PSMB7: variants seen among roughly 807,000 people sequenced by gnomAD.
PSMB7 encodes proteasome subunit beta type-7.
PSMB7 carries 5 observed loss-of-function variants against 28.1 expected under a neutral mutation model. That is an observed-to-expected ratio of 0.18 (90% confidence interval 0.09 to 0.37). The LOEUF is 0.37. Among genes scored for constraint, PSMB7 ranks in the 10% least tolerant of loss-of-function variants. The probability of loss-of-function intolerance (pLI) is 1.00; values close to 1 mark genes in which losing one functional copy is unlikely to be tolerated. For synonymous variants in PSMB7, 122 were observed against 123.7 expected (o/e 0.99, Z 0.09); for missense variants, 275 against 346.2 (o/e 0.79, Z 1.63).
At chr9:124,381,493 G>A (rs1830664189) in intron 6 of PSMB7, among the ~76,000 whole-genome samples, 1 of 152,156 alleles carries the variant, frequency 6.6e-6, no homozygotes, top group African/African-American at 2.4e-5. Flanking sequence ...CTATTCTCCT[G>A]GCTTTCTGTC....
At chr9:124,407,636 G>C (rs1830980550) in intron 4 of PSMB7, among the ~76,000 whole-genome samples, 1 of 152,110 alleles carries the variant, frequency 6.6e-6, no homozygotes, top group African/African-American at 2.4e-5. Context: ...AAGATGTTTT[G>C]GCAAATTATT....
chr9:124,358,501 C>G (rs985125750), intron 6 of PSMB7, among the ~76,000 whole-genome samples: 10 of 152,200 alleles, frequency 6.6e-5, no homozygotes, highest in Non-Finnish European at 1.3e-4. Flanking sequence ...GGAATTTTCT[C>G]CTGGAATTCT....
At chr9:124,404,287 T>C (rs1830941482) in intron 5 of PSMB7, among the ~76,000 whole-genome samples, 1 of 150,668 alleles carries the variant, frequency 6.6e-6, no homozygotes, top group African/African-American at 2.4e-5. Flanking sequence ...TTTTGTTTTA[T>C]GATCATTGCA....
intron 7 of PSMB7, among the ~76,000 whole-genome samples, chr9:124,354,372 A>C (rs1393130633): frequency 6.6e-6 from 1 of 152,230 alleles, no homozygotes; most frequent in Non-Finnish European, 1.5e-5. Context: ...TAATGCTCAC[A>C]GTGGGTCAGG....
At chr9:124,413,442 T>C (rs3780197) in intron 3 of PSMB7, among the ~76,000 whole-genome samples, 65,698 of 151,652 alleles carry the variant, frequency 0.43, 14,596 homozygotes, top group African/African-American at 0.52. Flanking sequence ...TGTGGAAATG[T>C]GACAAGTCTC....
At position 124,412,497 on chromosome 9, in the gene PSMB7, A is replaced by G. The variant is rs78244034; in HGVS notation, c.255-5T>C. On this transcript the variant is annotated splice_polypyrimidine_tract_variant and splice_region_variant and intron_variant, in intron 3 of 7. Coordinates refer to ENST00000259457, the MANE Select transcript of PSMB7 (RefSeq NM_002799.4). ...GCTGTCCCAGCACCACAACAACTGA[A>G]AAATCCAATTAGAAACTTAGCTGAA... 3.1e-4 allele frequency: 497 copies of G among 1,613,304 alleles called. 1 individual carries two copies. The African/African-American group carries it at 6.0e-3, about 20-fold the overall frequency.
chr9:124,353,821 T>C (rs1830363313), intron 7 of PSMB7, 112 bp from the exon 8 acceptor site: 2 of 794,714 alleles, frequency 2.5e-6, no homozygotes, highest in African/African-American at 3.5e-5. Context: ...TGGACTGGAA[T>C]CTTGGCTCTC....
At position 124,356,287 on chromosome 9, in the gene PSMB7, C is replaced by T. The variant is rs1195349739; in HGVS notation, c.722+477G>A. ...GGCCCACTCGGCATGTAGGCTCAGGCTCAATGGCACAACTCCCTGTAGCAC... is the reference window on the plus strand; with the variant it reads ...GGCCCACTCGGCATGTAGGCTCAGGTTCAATGGCACAACTCCCTGTAGCAC... On this transcript the variant is annotated intron_variant, in intron 7 of 7. Coordinates refer to ENST00000259457, the MANE Select transcript of PSMB7 (RefSeq NM_002799.4). This position sits in a 1 kb window ranked among gnomAD's most constrained non-coding sequence, Gnocchi z 4.4. Among the ~76,000 whole-genome samples, 1 of 152,220 alleles carries T rather than the reference C, an allele frequency of 6.6e-6. No homozygotes were observed. The highest frequency in any genetic ancestry group is 2.4e-5 in the African/African-American group (1 of 41,460).
intron 4 of PSMB7, among the ~76,000 whole-genome samples, chr9:124,407,106 G>C (rs1383412583): frequency 6.6e-6 from 1 of 152,186 alleles, no homozygotes; most frequent in African/African-American, 2.4e-5. Flanking sequence ...TCTCCACTGT[G>C]AGCCTTTAGC....
At chr9:124,357,231 C>T (rs1264935470) in intron 6 of PSMB7, among the ~76,000 whole-genome samples, 1 of 152,176 alleles carries the variant, frequency 6.6e-6, no homozygotes, top group African/African-American at 2.4e-5. Context: ...ATATTTTAGG[C>T]TTTGTGGCCA....
At chr9:124,415,330 C>G (rs569063551) in intron 1 of PSMB7, 34 bp downstream of exon 1, 1 of 1,607,526 alleles carries the variant, frequency 6.2e-7, no homozygotes, top group East Asian at 2.2e-5. Context: ...GCACTCTTCT[C>G]CCTCCCTGAA....
chr9:124,372,759 G>C (rs1830575254), intron 6 of PSMB7, among the ~76,000 whole-genome samples: 1 of 152,240 alleles, frequency 6.6e-6, no homozygotes, highest in Non-Finnish European at 1.5e-5. Flanking sequence ...TCTAAAGATA[G>C]AGAGATGAGG....
At chr9:124,380,914 CAA>C (rs1830657706) in intron 6 of PSMB7, among the ~76,000 whole-genome samples, 1 of 152,054 alleles carries the variant, frequency 6.6e-6, no homozygotes, top group Non-Finnish European at 1.5e-5. Context: ...TGGCCCTGCC[CAA>C]TAGATGTTCT....
At chr9:124,412,154 T>G (rs1831034370) in intron 4 of PSMB7, among the ~76,000 whole-genome samples, 198 bp downstream of exon 4, 1 of 152,182 alleles carries the variant, frequency 6.6e-6, no homozygotes, top group South Asian at 2.1e-4. Context: ...GATTTACTCA[T>G]GAAAAAAATC....
In PSMB7 at chr9:124,356,855, C is replaced by T. The variant is rs761102681; in HGVS notation, c.631G>A (p.Gly211Ser). ...AIAAGIFNDLGSGSNIDLCVI... is the reference protein window; with the variant it reads ...AIAAGIFNDLSSGSNIDLCVI... ...CAGAGGTCAATGTTGCTTCCGGAGC[C>T]CAGGTCGTTGAAGATGCCAGCTGCG... Residue 211 changes from glycine to serine, a missense_variant, in exon 7 of 8, where the codon GGC becomes AGC. Gly to Ser is a moderately conservative substitution (Grantham distance 56). Coordinates refer to ENST00000259457, the MANE Select transcript of PSMB7 (RefSeq NM_002799.4). The surrounding 1 kb of genome is among the most constrained non-coding windows in gnomAD (Gnocchi z 4.4). 6.2e-7 allele frequency: 1 copy of T among 1,614,110 alleles called. No individual in the cohort carries two copies. Among genetic ancestry groups the T allele is most frequent in the Non-Finnish European group, 8.5e-7 (1 of 1,180,020 alleles).
rs552665078 is a variant in PSMB7 at position 124,362,178 on chromosome 9, A to T, written c.571-5263T>A. Among the ~76,000 whole-genome samples, 215 of 152,400 alleles carry T rather than the reference A, an allele frequency of 1.4e-3. 1 individual carries two copies. The highest frequency in any genetic ancestry group is 2.4e-3 in the Non-Finnish European group (165 of 68,050). On this transcript the variant is annotated intron_variant, in intron 6 of 7. Transcript: ENST00000259457. ...TGTATATGGCAAGTCATTTGACATA[A>T]CTGATTTGTAACTAAAATTTTTAAA...
chr9:124,356,210 A>G lies in PSMB7; in HGVS notation c.722+554T>C, dbSNP rs1037972504. Among the ~76,000 whole-genome samples the G allele has an allele frequency of 6.6e-6, 1 of 152,152 alleles. No homozygotes were observed. The highest frequency in any genetic ancestry group is 1.9e-4 in the East Asian group (1 of 5,186). On this transcript the variant is annotated intron_variant, in intron 7 of 7. Transcript: ENST00000259457. This position sits in a 1 kb window ranked among gnomAD's most constrained non-coding sequence, Gnocchi z 4.4. ...CCTCCCAGTTCTGCTCAGCAAATCAACTAGAACCTTCTCCCACTGCTCTGA... is the reference window on the plus strand; with the variant it reads ...CCTCCCAGTTCTGCTCAGCAAATCAGCTAGAACCTTCTCCCACTGCTCTGA...
intron 3 of PSMB7, among the ~76,000 whole-genome samples, chr9:124,413,283 C>T (rs966774649): frequency 8.0e-5 from 12 of 150,090 alleles, no homozygotes; most frequent in Non-Finnish European, 1.5e-4. Flanking sequence ...ACATAAGCAA[C>T]GGTAGAATAG....
At chr9:124,367,936 T>C (rs930125621) in intron 6 of PSMB7, among the ~76,000 whole-genome samples, 23 of 152,228 alleles carry the variant, frequency 1.5e-4, no homozygotes, top group African/African-American at 5.3e-4. Flanking sequence ...ACTTAGTACT[T>C]CTTTTTCTCA....
Sources: gnomAD v4.1 joint callset for allele counts (sites outside exome capture counted in the v4.1 genomes callset) on GRCh38, gnomAD v4.1.1 for gene constraint, Gnocchi (gnomAD v3.1) non-coding constraint, MANE v1.5 for transcripts, NCBI Gene and HGNC (gene_info 2026-07-23, HGNC 2026-07-21) for gene names.